CTSB: variants seen among roughly 807,000 people sequenced by gnomAD.
The protein encoded by CTSB is cathepsin B, also known as APP secretase.
In CTSB, 57 loss-of-function variants were observed where a neutral mutation model predicts 44.3. The ratio of observed to expected loss-of-function variants is 1.29; its 90% CI spans 1.04 to 1.60. CTSB has a LOEUF of 1.60. Among genes scored for constraint, CTSB ranks in the 40% most tolerant of loss-of-function variants. The pLI is 0.00. For missense variants in CTSB, 768 were observed against 443.0 expected (o/e 1.73, Z -6.59); for synonymous variants, 320 against 168.0 (o/e 1.91, Z -7.00).
rs753431896 is a variant in CTSB at position 11,845,223 on chromosome 8, C to T, written c.923-1G>A. ...TGTCCTCTGAGTATTTTAAAGAAGC[C>T]TGGGAATAAAAAGTAAGGTGCTTTT... On this transcript the variant is annotated splice_acceptor_variant, in intron 9 of 9. Transcript: ENST00000353047. LOFTEE classifies it high-confidence loss of function. 1.2e-6 allele frequency: 2 copies of T among 1,610,962 alleles called. No homozygotes were observed. Among genetic ancestry groups the T allele is most frequent in the Non-Finnish European group, 1.7e-6 (2 of 1,177,298 alleles).
In CTSB at chr8:11,853,372, T is replaced by C. The variant is rs762164528; in HGVS notation, c.83A>G (p.Asp28Gly). The stretch of plus-strand genomic sequence containing the variant: ...TTTGTTGACATAGTTGACCAGCTCA[T>C]CCGACAGGGGATGGAAAGAGGGCCT... ...RSRPSFHPLS[D>G]ELVNYVNKRN... The change falls in exon 2 of 10, where the codon GAT (aspartate) becomes GGT (glycine). Residue 28 changes from aspartate to glycine, a missense_variant. By Grantham distance (94) the Asp-to-Gly change is moderately conservative (BLOSUM62 -1). Transcript: ENST00000353047. 1.2e-6 allele frequency: 2 copies of C among 1,613,020 alleles called. No homozygotes were observed. The highest frequency in any genetic ancestry group is 1.3e-5 in the African/African-American group (1 of 74,646).
At chr8:11,852,524 G>C (rs1328808355) in intron 3 of CTSB, 86 bp downstream of exon 3, 3 of 1,050,964 alleles carry the variant, frequency 2.9e-6, no homozygotes, top group Middle Eastern at 2.1e-4. Flanking sequence ...GCGGACGCCA[G>C]AGAGGCCTTC....
chr8:11,860,575 G>T (rs566396359), intron 1 of CTSB, among the ~76,000 whole-genome samples: 1 of 152,294 alleles, frequency 6.6e-6, no homozygotes, highest in African/African-American at 2.4e-5. Context: ...AGTGGGCTGA[G>T]ATCGCACCAT....
At position 11,854,337 on chromosome 8, in the gene CTSB, T is replaced by C. The variant is rs968784926; in HGVS notation, c.-25-858A>G. Among the ~76,000 whole-genome samples, 44 of 152,304 alleles carry C rather than the reference T, an allele frequency of 2.9e-4. 1 individual carries two copies. The highest frequency in any genetic ancestry group is 9.9e-4 in the African/African-American group (41 of 41,566). On this transcript the variant is annotated intron_variant, in intron 1 of 9. Transcript: ENST00000353047. ...ACCTCCCACAGGTCACAGGTCGTCA[T>C]GAAAGTCACAGGACTGCGGTGTCAG...
At chr8:11,853,584 C>T in intron 1 of CTSB, 105 bp from the exon 2 acceptor site, 1 of 1,174,450 alleles carries the variant, frequency 8.5e-7, no homozygotes. Flanking sequence ...CCATGCTCGT[C>T]CTGGCCCAGG....
chr8:11,866,831 G>A (rs114288313), intron 1 of CTSB, among the ~76,000 whole-genome samples: 1 of 152,228 alleles, frequency 6.6e-6, no homozygotes, highest in African/African-American at 2.4e-5. Context: ...CTGTGCTCCA[G>A]CCTGAGAGAC....
In CTSB at chr8:11,844,420, T is replaced by C. The variant is rs1279710610; in HGVS notation, c.*705A>G. Reference sequence around the variant, plus strand: ...CAGTAAAAGCTGGTTTCTCCTAAACTATTTTCCTTGTGGTAGTAGAGATCA... The same window carrying C: ...CAGTAAAAGCTGGTTTCTCCTAAACCATTTTCCTTGTGGTAGTAGAGATCA... On this transcript the variant is annotated 3_prime_UTR_variant, in exon 10 of 10. Transcript: ENST00000353047. The C allele has an allele frequency of 6.6e-6, 1 of 152,216 alleles. No individual in the cohort carries two copies. Among genetic ancestry groups the C allele is most frequent in the South Asian group, 2.1e-4 (1 of 4,834 alleles). The allele number at this position is 152,216 out of a possible 1,614,324, so 9.4% of individuals were successfully genotyped here.
chr8:11,844,809 C>T lies in CTSB; in HGVS notation c.*316G>A, dbSNP rs912874757. On this transcript the variant is annotated 3_prime_UTR_variant, in exon 10 of 10. Transcript: ENST00000353047. The stretch of plus-strand genomic sequence containing the variant: ...AACTCCGCTTTCCATTCCTGCGTCT[C>T]TGTCTTGCTCCCTGGAGATGGATGG... The T allele has an allele frequency of 3.5e-6, 1 of 288,388 alleles. No individual in the cohort carries two copies. The highest frequency in any genetic ancestry group is 6.6e-6 in the Non-Finnish European group (1 of 152,656). 17.9% of individuals were successfully genotyped at this position (288,388 alleles called of 1,614,324 possible).
chr8:11,852,836 A>G, intron 2 of CTSB, 141 bp from the exon 3 acceptor site: 1 of 713,494 alleles, frequency 1.4e-6, no homozygotes, highest in Non-Finnish European at 2.4e-6. Flanking sequence ...GCACTGGGGA[A>G]CAGCCCAGAG....
At chr8:11,850,654 A>G (rs1438406231) in intron 4 of CTSB, 1 of 434,648 alleles carries the variant, frequency 2.3e-6, no homozygotes, top group Non-Finnish European at 4.2e-6. Context: ...GTGGACTTGC[A>G]ATCTGCTGGA....
intron 1 of CTSB, among the ~76,000 whole-genome samples, chr8:11,855,761 T>C (rs1022030821): frequency 1.3e-5 from 2 of 152,154 alleles, no homozygotes; most frequent in East Asian, 3.9e-4. Context: ...CTCAAGCTTG[T>C]AATCTCAGCA....
At chr8:11,850,334 G>C (rs774792005) in intron 4 of CTSB, among the ~76,000 whole-genome samples, 8 of 143,576 alleles carry the variant, frequency 5.6e-5, no homozygotes, top group Non-Finnish European at 7.5e-5. Flanking sequence ...CAGGAGAATT[G>C]CTTGAACCCA....
rs994288145 is a variant in CTSB at position 11,868,080 on chromosome 8, C to G, written c.-105G>C. The G allele has an allele frequency of 1.3e-5, 2 of 152,556 alleles. No homozygotes were observed. Among genetic ancestry groups the G allele is most frequent in the African/African-American group, 4.8e-5 (2 of 41,398 alleles). The allele number at this position is 152,556 out of a possible 1,614,324, so 9.5% of individuals were successfully genotyped here. On this transcript the variant is annotated 5_prime_UTR_variant, in exon 1 of 10. Coordinates refer to ENST00000353047, the MANE Select transcript of CTSB (RefSeq NM_001908.5). ...CGTTGCCGGAGCGGTTGCCGGAGCC[C>G]TGCAGCCGCCGTAGCCTGGGCCAGC...
chr8:11,855,462 G>C (rs900559732), intron 1 of CTSB, among the ~76,000 whole-genome samples: 2 of 152,216 alleles, frequency 1.3e-5, no homozygotes, highest in Non-Finnish European at 2.9e-5. Context: ...TTCAACACCA[G>C]CCTGGACAAC....
At chr8:11,857,530 T>TA (rs1335570555) in intron 1 of CTSB, among the ~76,000 whole-genome samples, 2 of 152,152 alleles carry the variant, frequency 1.3e-5, no homozygotes, top group Non-Finnish European at 2.9e-5. Flanking sequence ...TGGGAGCGTT[T>TA]CCATGGCAAC....
chr8:11,864,972 T>A (rs1433388367), intron 1 of CTSB, among the ~76,000 whole-genome samples: 1 of 151,996 alleles, frequency 6.6e-6, no homozygotes, highest in East Asian at 1.9e-4. Context: ...CTAAACCTCC[T>A]ACCCCACACA....
intron 2 of CTSB, 26 bp downstream of exon 2, chr8:11,853,303 A>C: frequency 6.2e-7 from 1 of 1,611,860 alleles, no homozygotes; most frequent in Non-Finnish European, 8.5e-7. Context: ...GAGGGGACAT[A>C]CATAGGACGC....
rs563017481 is a variant in CTSB at position 11,849,489 on chromosome 8, G to A, written c.328-325C>T. Reference sequence around the variant, plus strand: ...TTGCCCAACTCAGCTTTTAAAGCAAGAGAAGCACCCCCGTGAACCTCTGCC... The same window carrying A: ...TTGCCCAACTCAGCTTTTAAAGCAAAAGAAGCACCCCCGTGAACCTCTGCC... On this transcript the variant is annotated intron_variant, in intron 4 of 9. Transcript: ENST00000353047. 9.6e-5 allele frequency: 19 copies of A among 198,288 alleles called. No individual in the cohort carries two copies. In the East Asian group the frequency reaches 2.0e-3, roughly 21 times the overall value. 12.3% of individuals were successfully genotyped at this position (198,288 alleles called of 1,614,324 possible).
At position 11,844,563 on chromosome 8, in the gene CTSB, A is replaced by G. The variant is rs1268299924; in HGVS notation, c.*562T>C. ...CCACTGGCTCACCCACATGATTAGC[A>G]GAGTGCACGAAAAAATAAAACTTCT... On this transcript the variant is annotated 3_prime_UTR_variant, in exon 10 of 10. Coordinates refer to ENST00000353047, the MANE Select transcript of CTSB (RefSeq NM_001908.5). 2.0e-5 allele frequency: 3 copies of G among 152,804 alleles called. No individual in the cohort carries two copies. The highest frequency in any genetic ancestry group is 7.2e-5 in the African/African-American group (3 of 41,452). The allele number at this position is 152,804 out of a possible 1,614,324, so 9.5% of individuals were successfully genotyped here.
Sources: gnomAD v4.1 joint callset for allele counts (sites outside exome capture counted in the v4.1 genomes callset) on GRCh38, gnomAD v4.1.1 for gene constraint, MANE v1.5 for transcripts, NCBI Gene and HGNC (gene_info 2026-07-23, HGNC 2026-07-21) for gene names.